The following RET variants were observed in gnomAD, a reference collection of about 807,000 sequenced individuals.
RET encodes the protein proto-oncogene tyrosine-protein kinase receptor Ret.
Under a neutral mutation model 118.3 loss-of-function variants are expected in RET, and 19 were observed. The observed-to-expected ratio is 0.16, with a 90% confidence interval of 0.11 to 0.24. The LOEUF (loss-of-function observed/expected upper bound fraction) is 0.24, where lower values mean the gene tolerates loss of function less well. RET is among the 10% of genes least tolerant of loss of function. The pLI, the probability that RET is intolerant of heterozygous loss-of-function variation, is 1.00. For synonymous variants in RET, 597 were observed against 644.1 expected (o/e 0.93, Z 1.11); for missense variants, 1,219 against 1,502.1 (o/e 0.81, Z 3.12).
At chr10:43,117,411 C>G (rs899390291) in intron 12 of RET, among the ~76,000 whole-genome samples, 3 of 152,238 alleles carry the variant, frequency 2.0e-5, no homozygotes. Context: ...ACAGGGAGAC[C>G]CTTGGATTTC....
chr10:43,079,257 T>G (rs929596348), intron 1 of RET, among the ~76,000 whole-genome samples: 3 of 152,108 alleles, frequency 2.0e-5, no homozygotes, highest in Admixed American at 6.5e-5. Flanking sequence ...GCTGTGGACA[T>G]GCACAGCGTG....
At chr10:43,078,614 C>G (rs1017340268) in intron 1 of RET, among the ~76,000 whole-genome samples, 1 of 152,238 alleles carries the variant, frequency 6.6e-6, no homozygotes, top group African/African-American at 2.4e-5. Flanking sequence ...CTGACGCTGT[C>G]TTGGGATTCT....
intron 3 of RET, chr10:43,104,696 G>T (rs1251893398): frequency 1.6e-6 from 1 of 606,634 alleles, no homozygotes; most frequent in African/African-American, 1.9e-5. Context: ...TTCCCAACCA[G>T]CACGAGTGAG....
chr10:43,122,864 C>T (rs957882407), intron 16 of RET, among the ~76,000 whole-genome samples: 1 of 152,206 alleles, frequency 6.6e-6, no homozygotes, highest in Admixed American at 6.5e-5. Context: ...CCCACCTCAG[C>T]CTCCCAAAGT....
At chr10:43,108,789 G>GCA (rs1012843077) in intron 5 of RET, among the ~76,000 whole-genome samples, 3 of 151,942 alleles carry the variant, frequency 2.0e-5, no homozygotes, top group Non-Finnish European at 4.4e-5. Context: ...GCGTACACAT[G>GCA]CACACACACA....
rs2132497909 is a variant in RET at position 43,077,284 on chromosome 10, C to G, written c.26C>G (p.Ala9Gly). The stretch of plus-strand genomic sequence containing the variant: ...ATGGCGAAGGCGACGTCCGGTGCCG[C>G]GGGGCTGCGTCTGCTGTTGCTGCTG... Reference protein sequence around the residue: MAKATSGAAGLRLLLLLLL... With the variant: MAKATSGAGGLRLLLLLLL... The change falls in exon 1 of 20, where the codon GCG becomes GGG. Residue 9 changes from alanine (A) to glycine (G), a missense_variant. Ala to Gly is a moderately conservative substitution (Grantham distance 60). Transcript: ENST00000355710. 6.6e-7 allele frequency: 1 copy of G among 1,508,548 alleles called. No homozygotes were observed. The highest frequency in any genetic ancestry group is 1.2e-5 in the South Asian group (1 of 81,152). 93.4% of individuals were successfully genotyped at this position (1,508,548 alleles called of 1,614,324 possible). A position where few individuals can be genotyped will look rare whatever the true frequency, so the allele number is the denominator to read the frequency against.
chr10:43,120,640 G>A (rs938463941), intron 15 of RET, among the ~76,000 whole-genome samples: 1 of 152,240 alleles, frequency 6.6e-6, no homozygotes, highest in Non-Finnish European at 1.5e-5. Flanking sequence ...TCCCGCACAG[G>A]GGCCTTGGAC....
chr10:43,109,891 G>A (rs1395661547), intron 6 of RET, among the ~76,000 whole-genome samples: 5 of 152,300 alleles, frequency 3.3e-5, no homozygotes, highest in East Asian at 1.9e-4. Context: ...GATGTTTCTC[G>A]TAAGCACTTA....
intron 1 of RET, among the ~76,000 whole-genome samples, chr10:43,097,327 A>G (rs1837542546): frequency 6.6e-6 from 1 of 152,156 alleles, no homozygotes. Context: ...CCTGGGCATC[A>G]CCAGAGCCAC....
At chr10:43,126,755 C>T in intron 19 of RET, 33 bp downstream of exon 19, 2 of 1,611,414 alleles carry the variant, frequency 1.2e-6, no homozygotes, top group Non-Finnish European at 1.7e-6. Context: ...TAGATTCTAG[C>T]ACCGCTGTCC....
At chr10:43,092,286 T>G (rs1837427494) in intron 1 of RET, among the ~76,000 whole-genome samples, 1 of 152,184 alleles carries the variant, frequency 6.6e-6, no homozygotes, top group South Asian at 2.1e-4. Flanking sequence ...GTGGAGACAG[T>G]AGAATGGAGG....
intron 1 of RET, among the ~76,000 whole-genome samples, chr10:43,091,134 G>A (rs995890543): frequency 5.3e-5 from 8 of 152,072 alleles, no homozygotes; most frequent in Non-Finnish European, 1.0e-4. Flanking sequence ...CAGATGCACA[G>A]GCAGCCGAAG....
intron 1 of RET, among the ~76,000 whole-genome samples, chr10:43,090,291 C>T (rs974652015): frequency 6.6e-6 from 1 of 152,194 alleles, no homozygotes; most frequent in Non-Finnish European, 1.5e-5. Flanking sequence ...GAGAGCAGGA[C>T]GCCAGGCAGG....
intron 1 of RET, among the ~76,000 whole-genome samples, chr10:43,077,701 G>A (rs918773729): frequency 2.6e-5 from 4 of 152,210 alleles, no homozygotes; most frequent in Non-Finnish European, 4.4e-5. Context: ...TGGCGGACGG[G>A]TCAGGGAGCC....
chr10:43,127,496 T>G, intron 19 of RET: 1 of 1,032,220 alleles, frequency 9.7e-7, no homozygotes, highest in Non-Finnish European at 1.2e-6. Flanking sequence ...GATTAAATAC[T>G]AGAAATTTTT....
chr10:43,100,017 G>C (rs997376306), intron 1 of RET, among the ~76,000 whole-genome samples: 4 of 152,226 alleles, frequency 2.6e-5, no homozygotes, highest in African/African-American at 9.6e-5. Flanking sequence ...TTTCTTGGAT[G>C]AATGGAGTGG....
In RET at chr10:43,114,511, G is replaced by A. The variant is rs761187737; in HGVS notation, c.1911G>A (p.Val637=). Residue 637 remains valine (V), a synonymous_variant, in exon 11 of 20, where the codon GTG becomes GTA. Coordinates refer to ENST00000355710, the MANE Select transcript of RET (RefSeq NM_020975.6). The surrounding 1 kb of genome is among the most constrained non-coding windows in gnomAD (Gnocchi z 4.6). The part of the protein sequence containing the change: ...DPLCDELCRT[V]IAAAVLFSFI... ...TGTGCGACGAGCTGTGCCGCACGGT[G>A]ATCGCAGCCGCTGTCCTCTTCTCCT... 1 of 1,608,558 alleles carries A rather than the reference G, an allele frequency of 6.2e-7. No individual in the cohort carries two copies.
At position 43,077,195 on chromosome 10, in the gene RET, C is replaced by A; in HGVS notation, c.-64C>A. The A allele has an allele frequency of 2.8e-6, 4 of 1,420,304 alleles. No individual in the cohort carries two copies. Among genetic ancestry groups the A allele is most frequent in the Non-Finnish European group, 3.7e-6 (4 of 1,084,956 alleles). The allele number at this position is 1,420,304 out of a possible 1,614,324, so 88.0% of individuals were successfully genotyped here. On this transcript the variant is annotated 5_prime_UTR_variant, in exon 1 of 20. Coordinates refer to ENST00000355710, the MANE Select transcript of RET (RefSeq NM_020975.6). ...GGGCGGCCAGACTGAGCGCCGCACC[C>A]GCCATCCAGACCCGCCGGCCCTAGC...
At chr10:43,112,335 C>G in intron 8 of RET, 111 bp downstream of exon 8, 1 of 1,473,688 alleles carries the variant, frequency 6.8e-7, no homozygotes, top group Non-Finnish European at 9.2e-7. Context: ...AGGTCTGCTT[C>G]TGGCACCTCA....
Sources: allele counts gnomAD v4.1 joint callset (sites outside exome capture counted in the v4.1 genomes callset), GRCh38; gene constraint gnomAD v4.1.1; non-coding constraint Gnocchi (gnomAD v3.1); transcripts MANE v1.5; gene names NCBI Gene and HGNC (gene_info 2026-07-23, HGNC 2026-07-21).